The following ORC5 variants were observed in gnomAD, a reference collection of about 807,000 sequenced individuals.
The protein encoded by ORC5 is origin recognition complex subunit 5.
ORC5 carries 39 observed loss-of-function variants against 58.8 expected under a neutral mutation model. The observed-to-expected ratio is 0.66, with a 90% CI of 0.51 to 0.87. ORC5 has a LOEUF of 0.87. Among genes scored for constraint, ORC5 ranks in the 40% least tolerant of loss-of-function variants. ORC5 has a pLI of 0.00. For missense variants in ORC5, 493 were observed against 506.3 expected (o/e 0.97, Z 0.25); for synonymous variants, 218 against 177.6 (o/e 1.23, Z -1.81).
chr7:104,157,606 T>C (rs574391634), intron 12 of ORC5, among the ~76,000 whole-genome samples: 132 of 152,238 alleles, frequency 8.7e-4, no homozygotes, highest in African/African-American at 3.1e-3. Context: ...ACTGCGGACA[T>C]TGTTCATCAT....
At position 104,146,036 on chromosome 7, in the gene ORC5, A is replaced by G. The variant is rs1166431296; in HGVS notation, c.1150-9143T>C. Among the ~76,000 whole-genome samples, 8 of 152,252 alleles carry G rather than the reference A, an allele frequency of 5.3e-5. No homozygotes were observed. In the East Asian group the frequency reaches 1.5e-3, roughly 29 times the overall value. On this transcript the variant is annotated intron_variant, in intron 12 of 13. Transcript: ENST00000297431. The stretch of plus-strand genomic sequence containing the variant: ...ATGACCTTCAAAGAAGAGCAAAAGG[A>G]AGTTCTTCAAACAAAAGGAAATAAT...
intron 6 of ORC5, chr7:104,187,826 T>C: frequency 6.1e-6 from 6 of 986,770 alleles, no homozygotes; most frequent in South Asian, 4.7e-5. Context: ...CAAATCCATC[T>C]AGATTCTAGA....
intron 9 of ORC5, 28 bp downstream of exon 9, chr7:104,168,445 G>T (rs758148803): frequency 3.1e-6 from 5 of 1,605,490 alleles, no homozygotes; most frequent in East Asian, 2.2e-5. Context: ...AGTATCTCCG[G>T]TAACTGTCTC....
chr7:104,166,929 T>C lies in ORC5; in HGVS notation c.878-45A>G, dbSNP rs370173493. On this transcript the variant is annotated intron_variant, in intron 9 of 13. Transcript: ENST00000297431. ...GATGAAGTACTTATTAGGCTAACAT[T>C]GGGTTTTAAGTATCTCTTCTCACTT... 14 of 1,125,618 alleles carry C rather than the reference T, an allele frequency of 1.2e-5. No individual in the cohort carries two copies. The African/African-American group carries it at 1.5e-4, about 12-fold the overall frequency. 69.7% of individuals were successfully genotyped at this position (1,125,618 alleles called of 1,614,324 possible).
chr7:104,146,576 G>A (rs979021244), intron 12 of ORC5, among the ~76,000 whole-genome samples: 11 of 152,150 alleles, frequency 7.2e-5, no homozygotes, highest in African/African-American at 2.7e-4. Context: ...TATACTATAT[G>A]ATTATGCTTA....
intron 9 of ORC5, among the ~76,000 whole-genome samples, chr7:104,167,420 A>C (rs1463590143): frequency 6.6e-6 from 1 of 152,238 alleles, no homozygotes; most frequent in East Asian, 1.9e-4. Flanking sequence ...GTCAGCACTC[A>C]GAAAATTTTG....
intron 12 of ORC5, among the ~76,000 whole-genome samples, chr7:104,150,742 A>G (rs528824174): frequency 1.4e-4 from 22 of 152,318 alleles, no homozygotes; most frequent in African/African-American, 5.3e-4. Flanking sequence ...AGATCATTCA[A>G]TCAATGACTC....
intron 1 of ORC5, among the ~76,000 whole-genome samples, chr7:104,205,084 C>CTT (rs769195880): frequency 1.6e-4 from 16 of 102,382 alleles, no homozygotes; most frequent in African/African-American, 4.1e-4. Flanking sequence ...TTTAATAATA[C>CTT]TCTTTTTTTT....
intron 13 of ORC5, among the ~76,000 whole-genome samples, chr7:104,127,309 A>G (rs549126024): frequency 6.6e-6 from 1 of 152,332 alleles, no homozygotes; most frequent in South Asian, 2.1e-4. Flanking sequence ...TTGTCATTAC[A>G]TAATGCATAG....
chr7:104,186,289 T>C lies in ORC5; in HGVS notation c.684+1962A>G, dbSNP rs185917869. Among the ~76,000 whole-genome samples the C allele has an allele frequency of 2.0e-5, 3 of 151,990 alleles. No homozygotes were observed. The East Asian group carries it at 5.8e-4, about 29-fold the overall frequency. On this transcript the variant is annotated intron_variant, in intron 6 of 13. Transcript: ENST00000297431. ...TCAGGGAATACAAAACCCATGTATA[T>C]GGAGGGCTAACTTTTTTACACTCAG...
chr7:104,150,697 C>A (rs185698103), intron 12 of ORC5, among the ~76,000 whole-genome samples: 1 of 152,248 alleles, frequency 6.6e-6, no homozygotes, highest in African/African-American at 2.4e-5. Context: ...TCTTTAGCAA[C>A]CATGAAGACC....
chr7:104,166,823 T>G lies in ORC5; in HGVS notation c.939A>C (p.Ala313=). The G allele has an allele frequency of 6.2e-7, 1 of 1,613,204 alleles. No homozygotes were observed. Among genetic ancestry groups the G allele is most frequent in the Non-Finnish European group, 8.5e-7 (1 of 1,179,294 alleles). The change falls in exon 10 of 14, where the codon GCA becomes GCC. Residue 313 remains alanine, a synonymous_variant. Coordinates refer to ENST00000297431, the MANE Select transcript of ORC5 (RefSeq NM_002553.4). Reference sequence around the variant, plus strand: ...TTGCTGGATTGTATGAAGCAAGGTATGCAGCAATTAGAATGAACTTAGAGT... The same window carrying G: ...TTGCTGGATTGTATGAAGCAAGGTAGGCAGCAATTAGAATGAACTTAGAGT... ...PYYSKFILIA[A]YLASYNPART...
In ORC5 at chr7:104,194,763, T is replaced by C. The variant is rs114384213; in HGVS notation, c.553+380A>G. On this transcript the variant is annotated intron_variant, in intron 5 of 13. Coordinates refer to ENST00000297431, the MANE Select transcript of ORC5 (RefSeq NM_002553.4). ...ATAATCACAATATAAATATACATCT[T>C]AATGTAGTGACTAAAAAAATGAAGA... is the stretch of plus-strand genomic sequence containing the variant. Among the ~76,000 whole-genome samples the C allele has an allele frequency of 4.1e-3, 622 of 152,246 alleles. 7 individuals are homozygous for C. Among genetic ancestry groups the C allele is most frequent in the African/African-American group, 0.014 (596 of 41,548 alleles).
At chr7:104,173,815 T>G (rs963116507) in intron 8 of ORC5, among the ~76,000 whole-genome samples, 3 of 151,902 alleles carry the variant, frequency 2.0e-5, no homozygotes, top group Non-Finnish European at 2.9e-5. Flanking sequence ...GTATTTTGTT[T>G]AATCTGCATA....
intron 8 of ORC5, among the ~76,000 whole-genome samples, chr7:104,176,531 ATC>A (rs201625026): frequency 0.044 from 6,753 of 152,098 alleles, 489 homozygotes; most frequent in African/African-American, 0.15. Context: ...CAGTCTTACG[ATC>A]TCTCTGCTTT....
At position 104,126,478 on chromosome 7, in the gene ORC5, C is replaced by T. The variant is rs984330622; in HGVS notation, c.*370G>A. 1.1e-5 allele frequency: 2 copies of T among 176,206 alleles called. No homozygotes were observed. Among genetic ancestry groups the T allele is most frequent in the African/African-American group, 4.7e-5 (2 of 42,496 alleles). The allele number at this position is 176,206 out of a possible 1,614,324, so 10.9% of individuals were successfully genotyped here. A position where few individuals can be genotyped will look rare whatever the true frequency, so the allele number is the denominator to read the frequency against. On this transcript the variant is annotated 3_prime_UTR_variant, in exon 14 of 14. Coordinates refer to ENST00000297431, the MANE Select transcript of ORC5 (RefSeq NM_002553.4). ...GAAGTGAAAAGAATGGGCATATAAA[C>T]AAGGGCTGCTGGCACGTTCAAAGCG...
chr7:104,198,485 T>C (rs1336198505), intron 3 of ORC5, among the ~76,000 whole-genome samples: 2 of 152,196 alleles, frequency 1.3e-5, no homozygotes, highest in Non-Finnish European at 2.9e-5. Flanking sequence ...TGTGGAACTT[T>C]GAACTTGAGA....
chr7:104,177,368 T>G (rs1275222634), intron 8 of ORC5, among the ~76,000 whole-genome samples: 2 of 152,090 alleles, frequency 1.3e-5, no homozygotes, highest in Non-Finnish European at 2.9e-5. Context: ...CACATAAAAG[T>G]TAGGTTATAA....
Position 104,166,830 on chromosome 7 carries a change from ATTAGAATGAAC to A in ORC5, c.921_931del (p.Lys307AsnfsTer14). The A allele has an allele frequency of 1.2e-6, 2 of 1,613,260 alleles. No individual in the cohort carries two copies. The highest frequency in any genetic ancestry group is 1.7e-6 in the Non-Finnish European group (2 of 1,179,340). On this transcript the variant is annotated frameshift_variant, in exon 10 of 14. Transcript: ENST00000297431. LOFTEE classifies it high-confidence loss of function. ...ATTGTATGAAGCAAGGTATGCAGCA[ATTAGAATGAAC>A]TTAGAGTAATATGGAAGTTCCACAT...
Sources: allele counts gnomAD v4.1 joint callset (sites outside exome capture counted in the v4.1 genomes callset), GRCh38; gene constraint gnomAD v4.1.1; transcripts MANE v1.5; gene names NCBI Gene and HGNC (gene_info 2026-07-23, HGNC 2026-07-21).